The following ETV4 variants were observed in gnomAD, a reference collection of about 807,000 sequenced individuals.
ETV4 encodes ETS translocation variant 4.
In ETV4, 42 loss-of-function variants were observed where a neutral mutation model predicts 65.9. That is an observed-to-expected ratio of 0.64 (90% confidence interval 0.50 to 0.82). The LOEUF (loss-of-function observed/expected upper bound fraction) is 0.82. Ranked by LOEUF, ETV4 falls within the 40% of genes least tolerant of loss-of-function variation. ETV4 has a pLI of 0.00. For missense variants in ETV4, 583 were observed against 630.3 expected (o/e 0.92, Z 0.80); for synonymous variants, 238 against 260.0 (o/e 0.92, Z 0.81).
chr17:43,545,596 C>T lies in ETV4; in HGVS notation c.22G>A (p.Gly8Arg), dbSNP rs1212931801. ...TAGGGCACTTGCTGGTCCAAGTATC[C>T]GGCTTTCATCCTCCGCTCCATCCGG... Reference protein sequence around the residue: MERRMKAGYLDQQVPYTF... With the variant: MERRMKARYLDQQVPYTF... The change falls in exon 2 of 13, where the codon GGA becomes AGA. Residue 8 changes from glycine (G) to arginine (R), a missense_variant. By Grantham distance (125) the Gly-to-Arg change is moderately radical (BLOSUM62 -2). Transcript: ENST00000319349. 5 of 1,550,906 alleles carry T rather than the reference C, an allele frequency of 3.2e-6. No homozygotes were observed. The Admixed American group carries it at 7.8e-5, about 24-fold the overall frequency.
chr17:43,542,803 C>G (rs534261744), intron 4 of ETV4, among the ~76,000 whole-genome samples: 3 of 152,172 alleles, frequency 2.0e-5, no homozygotes, highest in Admixed American at 6.6e-5. Context: ...CCAGGACCCC[C>G]CTGCTGCTTC....
At chr17:43,531,532 C>G (rs183135171) in intron 8 of ETV4, among the ~76,000 whole-genome samples, 1 of 152,216 alleles carries the variant, frequency 6.6e-6, no homozygotes, top group African/African-American at 2.4e-5. Context: ...GGTGAAACCC[C>G]GTCTCTACTA....
intron 4 of ETV4, chr17:43,544,199 C>G (rs2154587306): frequency 6.5e-6 from 1 of 152,782 alleles, no homozygotes; most frequent in Non-Finnish European, 1.5e-5. Context: ...CCAAAACGCA[C>G]TGAAGAATCC....
At chr17:43,537,105 C>T (rs981057746) in intron 4 of ETV4, among the ~76,000 whole-genome samples, 2 of 152,240 alleles carry the variant, frequency 1.3e-5, no homozygotes, top group Non-Finnish European at 2.9e-5. Flanking sequence ...GTGGCTCACG[C>T]CTATAATCCC....
At chr17:43,532,988 C>A (rs1392910637) in intron 7 of ETV4, 49 bp from the exon 8 acceptor site, 2 of 1,526,436 alleles carry the variant, frequency 1.3e-6, no homozygotes, top group African/African-American at 1.4e-5. Flanking sequence ...TTAAATTAAT[C>A]CTTCCTCGAG....
intron 5 of ETV4, 58 bp downstream of exon 5, chr17:43,536,368 G>T: frequency 6.9e-7 from 1 of 1,443,132 alleles, no homozygotes; most frequent in Non-Finnish European, 9.8e-7. Context: ...TCTATCCTAT[G>T]ACTCACTTCC....
At chr17:43,531,312 T>C (rs912097358) in intron 8 of ETV4, among the ~76,000 whole-genome samples, 5 of 152,222 alleles carry the variant, frequency 3.3e-5, no homozygotes, top group African/African-American at 1.2e-4. Context: ...TTCCTGGGAC[T>C]GGCCCTCCTT....
chr17:43,529,834 A>T, intron 10 of ETV4, 50 bp downstream of exon 10: 1 of 1,604,248 alleles, frequency 6.2e-7, no homozygotes, highest in Non-Finnish European at 8.5e-7. Context: ...TCCTGCAGGG[A>T]CACAGCGTGA....
intron 5 of ETV4, chr17:43,536,195 A>G: frequency 1.8e-6 from 1 of 558,520 alleles, no homozygotes; most frequent in Non-Finnish European, 3.2e-6. Flanking sequence ...TTCAGATATA[A>G]GGCAATGGAG....
Position 43,545,554 on chromosome 17 carries a change from T to G in ETV4, c.60+4A>C. 1 of 1,548,678 alleles carries G rather than the reference T, an allele frequency of 6.5e-7. No homozygotes were observed. Among genetic ancestry groups the G allele is most frequent in the Non-Finnish European group, 8.7e-7 (1 of 1,146,396 alleles). ...GCGGGCGTGGAGGCCGGCGCGGCGC[T>G]CACGCTGCTGAAGGTGTAGGGCACT... On this transcript the variant is annotated splice_donor_region_variant and intron_variant, in intron 2 of 12. Coordinates refer to ENST00000319349, the MANE Select transcript of ETV4 (RefSeq NM_001079675.5).
In ETV4 at chr17:43,536,520, G is replaced by C. The variant is rs751848803; in HGVS notation, c.203-41C>G. On this transcript the variant is annotated intron_variant, in intron 4 of 12. Transcript: ENST00000319349. ...AGAGGTGAGTTTGGGGCGGAGCCCT[G>C]GTTGTCCCCTGGGAGGCTCCATTAT... is the stretch of plus-strand genomic sequence containing the variant. 4.4e-6 allele frequency: 7 copies of C among 1,595,740 alleles called. No homozygotes were observed. In the African/African-American group the frequency reaches 8.0e-5, roughly 18 times the overall value.
At chr17:43,541,503 A>G (rs772334832) in intron 4 of ETV4, among the ~76,000 whole-genome samples, 5 of 150,538 alleles carry the variant, frequency 3.3e-5, no homozygotes, top group Non-Finnish European at 7.4e-5. Context: ...AGAGAGAGAA[A>G]GAATTTTAGG....
rs749131817 is a variant in ETV4 at position 43,534,254 on chromosome 17, C to T, written c.257-269G>A. ...TTTAGGCTGGGCACGGTAGCTCACA[C>T]CTGTAATCCCAGCACTTTGGGAGGC... On this transcript the variant is annotated intron_variant, in intron 5 of 12. Transcript: ENST00000319349. Among the ~76,000 whole-genome samples the T allele has an allele frequency of 5.3e-5, 8 of 152,306 alleles. No homozygotes were observed. The South Asian group carries it at 1.2e-3, about 24-fold the overall frequency.
At chr17:43,529,032 G>T in intron 12 of ETV4, 103 bp downstream of exon 12, 2 of 1,083,076 alleles carry the variant, frequency 1.8e-6, no homozygotes, top group African/African-American at 1.5e-5. Context: ...TTCATTATCT[G>T]ATCCTACAAA....
rs567221198 is a variant in ETV4 at position 43,535,419 on chromosome 17, A to T, written c.256+1007T>A. ...CAGCCTCCTGAGTAGCTGGGATTAC[A>T]GGTACACGCCACCATGCCCGGCTAA... On this transcript the variant is annotated intron_variant, in intron 5 of 12. Transcript: ENST00000319349. 7.5e-4 allele frequency among the ~76,000 whole-genome samples: 114 copies of T among 152,150 alleles called. 1 individual carries two copies. The highest frequency in any genetic ancestry group is 1.3e-3 in the Non-Finnish European group (90 of 68,020).
chr17:43,536,361 A>G, intron 5 of ETV4, 65 bp downstream of exon 5: 10 of 1,398,962 alleles, frequency 7.1e-6, no homozygotes, highest in Non-Finnish European at 8.1e-6. Context: ...GTGATTCTCT[A>G]TCCTATGACT....
At chr17:43,538,980 T>G (rs552753919) in intron 4 of ETV4, among the ~76,000 whole-genome samples, 1 of 152,268 alleles carries the variant, frequency 6.6e-6, no homozygotes, top group East Asian at 1.9e-4. Flanking sequence ...CTTTTGCTTC[T>G]CTCTAGGCTA....
At chr17:43,540,921 G>A (rs2154587243) in intron 4 of ETV4, among the ~76,000 whole-genome samples, 1 of 152,208 alleles carries the variant, frequency 6.6e-6, no homozygotes, top group East Asian at 1.9e-4. Context: ...CCACCCCTGG[G>A]GCCTCATTAA....
chr17:43,536,192 A>G (rs944936816), intron 5 of ETV4: 19 of 551,866 alleles, frequency 3.4e-5, no homozygotes, highest in Non-Finnish European at 5.5e-5. Context: ...CACTTCAGAT[A>G]TAAGGCAATG....
Sources: allele counts gnomAD v4.1 joint callset (sites outside exome capture counted in the v4.1 genomes callset), GRCh38; gene constraint gnomAD v4.1.1; transcripts MANE v1.5; gene names NCBI Gene and HGNC (gene_info 2026-07-23, HGNC 2026-07-21).